HNRNPA0: variants seen among roughly 807,000 people sequenced by gnomAD.
The protein encoded by HNRNPA0 is hnRNA binding protein.
For missense variants in HNRNPA0, 252 were observed against 433.7 expected (o/e 0.58, Z 3.72); for synonymous variants, 243 against 195.5 (o/e 1.24, Z -2.03).
Position 137,753,159 on chromosome 5 carries a change from C to G in HNRNPA0, c.908G>C (p.Ser303Thr). Residue 303 changes from serine (S) to threonine (T), a missense_variant, in exon 1 of 1, where the codon AGC becomes ACC. By Grantham distance (58) the Ser-to-Thr change is moderately conservative. Coordinates refer to ENST00000314940, the MANE Select transcript of HNRNPA0 (RefSeq NM_006805.4). This position sits in a 1 kb window ranked among gnomAD's most constrained non-coding sequence, Gnocchi z 6.1. ...ATTTTAAATTTTCTTTTAGAAGGAG[C>G]TGCCTCCATAGCCACCCCCACCGCC... ...GYGGGGGYGGSSF is the reference protein window; with the variant it reads ...GYGGGGGYGGTSF The G allele has an allele frequency of 3.7e-6, 6 of 1,612,536 alleles. No individual in the cohort carries two copies. The highest frequency in any genetic ancestry group is 5.1e-6 in the Non-Finnish European group (6 of 1,179,184).
rs1274336116 is a variant in HNRNPA0, at chr5:137,749,420, GA to G, written c.*3728del. On this transcript the variant is annotated 3_prime_UTR_variant, in exon 1 of 1. Transcript: ENST00000314940. ...TTGCCCTTCTAGTCTTCCTACTTTG[GA>G]ATTCCTTTTTAAATAGCAGCTTTCA... The G allele has an allele frequency of 6.6e-6, 1 of 152,034 alleles. No individual in the cohort carries two copies. The highest frequency in any genetic ancestry group is 2.4e-5 in the African/African-American group (1 of 41,382). 9.4% of individuals were successfully genotyped at this position (152,034 alleles called of 1,614,324 possible).
At position 137,751,652 on chromosome 5, in the gene HNRNPA0, A is replaced by G. The variant is rs992313990; in HGVS notation, c.*1497T>C. Reference sequence around the variant, plus strand: ...CTATCCAGAAAGGCAATTTTCACCTATTATCACTTTTGTTCTTCTCTTATA... The same window carrying G: ...CTATCCAGAAAGGCAATTTTCACCTGTTATCACTTTTGTTCTTCTCTTATA... On this transcript the variant is annotated 3_prime_UTR_variant, in exon 1 of 1. Coordinates refer to ENST00000314940, the MANE Select transcript of HNRNPA0 (RefSeq NM_006805.4). 1 of 152,348 alleles carries G rather than the reference A, an allele frequency of 6.6e-6. No individual in the cohort carries two copies. The highest frequency in any genetic ancestry group is 2.4e-5 in the African/African-American group (1 of 41,350). The allele number at this position is 152,348 out of a possible 1,614,324, so 9.4% of individuals were successfully genotyped here.
rs1454809424 is a variant in HNRNPA0 at position 137,751,786 on chromosome 5, A to C, written c.*1363T>G. On this transcript the variant is annotated 3_prime_UTR_variant, in exon 1 of 1. Coordinates refer to ENST00000314940, the MANE Select transcript of HNRNPA0 (RefSeq NM_006805.4). The stretch of plus-strand genomic sequence containing the variant: ...CAACTTGCACCTAAAATACCAGTAT[A>C]CGTAGCTGGTTCATTAGTTGTCATA... 1 of 152,660 alleles carries C rather than the reference A, an allele frequency of 6.6e-6. No homozygotes were observed. The highest frequency in any genetic ancestry group is 2.4e-5 in the African/African-American group (1 of 41,458). 9.5% of individuals were successfully genotyped at this position (152,660 alleles called of 1,614,324 possible).
At position 137,751,818 on chromosome 5, in the gene HNRNPA0, T is replaced by C. The variant is rs887638089; in HGVS notation, c.*1331A>G. On this transcript the variant is annotated 3_prime_UTR_variant, in exon 1 of 1. Transcript: ENST00000314940. ...TGGTTCATTAGTTGTCATAGCAATT[T>C]AGGGCTATTGCCCAAGCTATGCATA... The C allele has an allele frequency of 6.5e-6, 1 of 152,678 alleles. No individual in the cohort carries two copies. The highest frequency in any genetic ancestry group is 1.5e-5 in the Non-Finnish European group (1 of 68,040). The allele number at this position is 152,678 out of a possible 1,614,324, so 9.5% of individuals were successfully genotyped here. A position where few individuals can be genotyped will look rare whatever the true frequency, so the allele number is the denominator to read the frequency against.
At position 137,754,271 on chromosome 5, in the gene HNRNPA0, A is replaced by C. The variant is rs1753563332; in HGVS notation, c.-205T>G. 2.9e-6 allele frequency: 2 copies of C among 692,902 alleles called. No homozygotes were observed. The highest frequency in any genetic ancestry group is 3.1e-5 in the Admixed American group (1 of 32,286). The allele number at this position is 692,902 out of a possible 1,614,324, so 42.9% of individuals were successfully genotyped here. A position where few individuals can be genotyped will look rare whatever the true frequency, so the allele number is the denominator to read the frequency against. On this transcript the variant is annotated 5_prime_UTR_variant, in exon 1 of 1. Transcript: ENST00000314940. ...GAGGGAAGGGGAGCGGTGCCGGCTA[A>C]AGGGCGAGCCGAGGAGACTGGAAGA...
At position 137,752,161 on chromosome 5, in the gene HNRNPA0, A is replaced by T. The variant is rs1042115380; in HGVS notation, c.*988T>A. 3 of 152,258 alleles carry T rather than the reference A, an allele frequency of 2.0e-5. No homozygotes were observed. Among genetic ancestry groups the T allele is most frequent in the African/African-American group, 7.2e-5 (3 of 41,426 alleles). The allele number at this position is 152,258 out of a possible 1,614,324, so 9.4% of individuals were successfully genotyped here. A position where few individuals can be genotyped will look rare whatever the true frequency, so the allele number is the denominator to read the frequency against. On this transcript the variant is annotated 3_prime_UTR_variant, in exon 1 of 1. Coordinates refer to ENST00000314940, the MANE Select transcript of HNRNPA0 (RefSeq NM_006805.4). Reference sequence around the variant, plus strand: ...ACCTGCTCTGAAAGTACAAAAACGCATTTGAGGGTAAAATATAACCCTTAT... The same window carrying T: ...ACCTGCTCTGAAAGTACAAAAACGCTTTTGAGGGTAAAATATAACCCTTAT...
chr5:137,753,068 G>A lies in HNRNPA0; in HGVS notation c.*81C>T. 7.0e-7 allele frequency: 1 copy of A among 1,429,884 alleles called. No individual in the cohort carries two copies. The highest frequency in any genetic ancestry group is 9.5e-7 in the Non-Finnish European group (1 of 1,048,006). The allele number at this position is 1,429,884 out of a possible 1,614,324, so 88.6% of individuals were successfully genotyped here. On this transcript the variant is annotated 3_prime_UTR_variant, in exon 1 of 1. Coordinates refer to ENST00000314940, the MANE Select transcript of HNRNPA0 (RefSeq NM_006805.4). The surrounding 1 kb of genome is among the most constrained non-coding windows in gnomAD (Gnocchi z 6.1). ...CAGGGAAGGCGGTGTGTGTGAGGGG[G>A]TGGGGCTTAGGAGTTGACCCCACTT...
Position 137,749,844 on chromosome 5 carries a change from C to T in HNRNPA0, c.*3305G>A, listed in dbSNP as rs1222269524. ...AAAAGGTAAACTAAGTTTACAAATC[C>T]AATAACTGATACCATCACTTCTGGT... On this transcript the variant is annotated 3_prime_UTR_variant, in exon 1 of 1. Coordinates refer to ENST00000314940, the MANE Select transcript of HNRNPA0 (RefSeq NM_006805.4). 2 of 152,096 alleles carry T rather than the reference C, an allele frequency of 1.3e-5. No individual in the cohort carries two copies. The highest frequency in any genetic ancestry group is 2.9e-5 in the Non-Finnish European group (2 of 67,980). The allele number at this position is 152,096 out of a possible 1,614,324, so 9.4% of individuals were successfully genotyped here. A position where few individuals can be genotyped will look rare whatever the true frequency, so the allele number is the denominator to read the frequency against.
rs1753471775 is a variant in HNRNPA0, at chr5:137,750,071, C to T, written c.*3078G>A. The T allele has an allele frequency of 6.6e-6, 1 of 151,890 alleles. No homozygotes were observed. The highest frequency in any genetic ancestry group is 1.5e-5 in the Non-Finnish European group (1 of 67,964). The allele number at this position is 151,890 out of a possible 1,614,324, so 9.4% of individuals were successfully genotyped here. A position where few individuals can be genotyped will look rare whatever the true frequency, so the allele number is the denominator to read the frequency against. Reference sequence around the variant, plus strand: ...CCACTTGCAGGCTTTTTTTTGGATACAGTAAATCAGTACCAATGAGAGCTT... The same window carrying T: ...CCACTTGCAGGCTTTTTTTTGGATATAGTAAATCAGTACCAATGAGAGCTT... On this transcript the variant is annotated 3_prime_UTR_variant, in exon 1 of 1. Coordinates refer to ENST00000314940, the MANE Select transcript of HNRNPA0 (RefSeq NM_006805.4).
Position 137,753,590 on chromosome 5 carries a change from C to G in HNRNPA0, c.477G>C (p.Lys159Asn). Residue 159 changes from lysine to asparagine, a missense_variant, in exon 1 of 1, where the codon AAG becomes AAC. By Grantham distance (94) the Lys-to-Asn change is moderately conservative (BLOSUM62 0). Coordinates refer to ENST00000314940, the MANE Select transcript of HNRNPA0 (RefSeq NM_006805.4). This position sits in a 1 kb window ranked among gnomAD's most constrained non-coding sequence, Gnocchi z 6.1. ...HDAADKAAVV[K>N]FHPIQGHRVE... ...CGCGATGGCCCTGAATCGGATGGAA[C>G]TTGACCACCGCGGCCTTGTCTGCCG... 1 of 1,614,158 alleles carries G rather than the reference C, an allele frequency of 6.2e-7. No homozygotes were observed. Among genetic ancestry groups the G allele is most frequent in the Non-Finnish European group, 8.5e-7 (1 of 1,180,034 alleles).
At position 137,750,776 on chromosome 5, in the gene HNRNPA0, T is replaced by C. The variant is rs912722281; in HGVS notation, c.*2373A>G. Reference sequence around the variant, plus strand: ...TTAATATACCATGAACAGAACAGGTTGCCTTCCTAATACACAGAAAATCCT... The same window carrying C: ...TTAATATACCATGAACAGAACAGGTCGCCTTCCTAATACACAGAAAATCCT... On this transcript the variant is annotated 3_prime_UTR_variant, in exon 1 of 1. Coordinates refer to ENST00000314940, the MANE Select transcript of HNRNPA0 (RefSeq NM_006805.4). 1 of 152,204 alleles carries C rather than the reference T, an allele frequency of 6.6e-6. No individual in the cohort carries two copies. Among genetic ancestry groups the C allele is most frequent in the African/African-American group, 2.4e-5 (1 of 41,458 alleles). The allele number at this position is 152,204 out of a possible 1,614,324, so 9.4% of individuals were successfully genotyped here.
At position 137,753,794 on chromosome 5, in the gene HNRNPA0, G is replaced by A. The variant is rs771476633; in HGVS notation, c.273C>T (p.Pro91=). Residue 91 remains proline (P), a synonymous_variant, in exon 1 of 1, where the codon CCC becomes CCT. Coordinates refer to ENST00000314940, the MANE Select transcript of HNRNPA0 (RefSeq NM_006805.4). The surrounding 1 kb of genome is among the most constrained non-coding windows in gnomAD (Gnocchi z 6.1). The part of the protein sequence containing the change: ...RAVSREDSAR[P]GAHAKVKKLF... ...GCTTCTTAACCTTGGCGTGGGCACC[G>A]GGCCGCGCCGAATCCTCCCGGGACA... The A allele has an allele frequency of 1.2e-5, 19 of 1,610,478 alleles. No individual in the cohort carries two copies. The South Asian group carries it at 1.8e-4, about 15-fold the overall frequency.
rs1390741749 is a variant in HNRNPA0 at position 137,751,421 on chromosome 5, C to A, written c.*1728G>T. On this transcript the variant is annotated 3_prime_UTR_variant, in exon 1 of 1. Coordinates refer to ENST00000314940, the MANE Select transcript of HNRNPA0 (RefSeq NM_006805.4). ...ATATTATTTTATTTTAAAGCCCAAT[C>A]TTTCAGAAAGCTTCTTAGTATAGCT... 1 of 149,776 alleles carries A rather than the reference C, an allele frequency of 6.7e-6. No homozygotes were observed. Among genetic ancestry groups the A allele is most frequent in the African/African-American group, 2.5e-5 (1 of 40,494 alleles). The allele number at this position is 149,776 out of a possible 1,614,324, so 9.3% of individuals were successfully genotyped here.
rs557925987 is a variant in HNRNPA0, at chr5:137,754,325, C to A, written c.-259G>T. On this transcript the variant is annotated 5_prime_UTR_variant, in exon 1 of 1. Coordinates refer to ENST00000314940, the MANE Select transcript of HNRNPA0 (RefSeq NM_006805.4). ...CCAAGGCCACCGCTACCGCCGCCGCCGCCACCTCCGCTCCCCTATCTGGGC... is the reference window on the plus strand; with the variant it reads ...CCAAGGCCACCGCTACCGCCGCCGCAGCCACCTCCGCTCCCCTATCTGGGC... 42 of 501,494 alleles carry A rather than the reference C, an allele frequency of 8.4e-5. No homozygotes were observed. The Admixed American group carries it at 1.2e-3, about 15-fold the overall frequency. The allele number at this position is 501,494 out of a possible 1,614,324, so 31.1% of individuals were successfully genotyped here.
In HNRNPA0 at chr5:137,754,087, C is replaced by T. The variant is rs759271902; in HGVS notation, c.-21G>A. The T allele has an allele frequency of 1.3e-6, 2 of 1,590,246 alleles. No homozygotes were observed. The highest frequency in any genetic ancestry group is 1.7e-6 in the Non-Finnish European group (2 of 1,166,866). On this transcript the variant is annotated 5_prime_UTR_variant, in exon 1 of 1. Transcript: ENST00000314940. Reference sequence around the variant, plus strand: ...TCCATCTCCAAGGCCCGGGCCTTGCCCCCGCCCTGCGAGCTCCGAGGTTTC... The same window carrying T: ...TCCATCTCCAAGGCCCGGGCCTTGCTCCCGCCCTGCGAGCTCCGAGGTTTC...
At position 137,753,329 on chromosome 5, in the gene HNRNPA0, G is replaced by T. The variant is rs1306981652; in HGVS notation, c.738C>A (p.Ser246Arg). The T allele has an allele frequency of 6.4e-7, 1 of 1,560,034 alleles. No homozygotes were observed. The highest frequency in any genetic ancestry group is 1.9e-5 in the Admixed American group (1 of 51,812). ...GGGGGSSYGG[S>R]DYGNGFGGFG... ...AGCCGCCGAAGCCGTTACCGTAGTC[G>T]CTCCCACCGTAGGACGAACCGCCGC... Residue 246 changes from serine to arginine, a missense_variant, in exon 1 of 1, where the codon AGC becomes AGA. Transcript: ENST00000314940. This position sits in a 1 kb window ranked among gnomAD's most constrained non-coding sequence, Gnocchi z 6.1.
Position 137,753,138 on chromosome 5 carries a change from T to A in HNRNPA0, c.*11A>T, listed in dbSNP as rs774044404. The A allele has an allele frequency of 1.2e-6, 2 of 1,609,480 alleles. No homozygotes were observed. The highest frequency in any genetic ancestry group is 1.3e-5 in the African/African-American group (1 of 74,856). On this transcript the variant is annotated 3_prime_UTR_variant, in exon 1 of 1. Coordinates refer to ENST00000314940, the MANE Select transcript of HNRNPA0 (RefSeq NM_006805.4). The surrounding 1 kb of genome is among the most constrained non-coding windows in gnomAD (Gnocchi z 6.1). ...CCCCTATAGCCACTCCCAGGCATTT[T>A]AAATTTTCTTTTAGAAGGAGCTGCC... is the stretch of plus-strand genomic sequence containing the variant.
chr5:137,746,506 T>TAATCCTCTACCTAGAATGCTCTTCCC lies in HNRNPA0; in HGVS notation c.*6617_*6642dup. 6.6e-6 allele frequency: 1 copy of TAATCCTCTACCTAGAATGCTCTTCCC among 152,248 alleles called. No homozygotes were observed. Among genetic ancestry groups the TAATCCTCTACCTAGAATGCTCTTCCC allele is most frequent in the Non-Finnish European group, 1.5e-5 (1 of 68,056 alleles). The allele number at this position is 152,248 out of a possible 1,614,324, so 9.4% of individuals were successfully genotyped here. On this transcript the variant is annotated 3_prime_UTR_variant, in exon 1 of 1. Transcript: ENST00000314940. ...CCTGCTTCAGGGCTTTTGCTCTTCC[T>TAATCCTCTACCTAGAATGCTCTTCCC]AATCCTCTACCTAGAATGCTCTTCC...
chr5:137,753,124 A>T lies in HNRNPA0; in HGVS notation c.*25T>A, dbSNP rs745960520. On this transcript the variant is annotated 3_prime_UTR_variant, in exon 1 of 1. Transcript: ENST00000314940. This position sits in a 1 kb window ranked among gnomAD's most constrained non-coding sequence, Gnocchi z 6.1. The stretch of plus-strand genomic sequence containing the variant: ...GTTGGAAAGAGCTACCCCTATAGCC[A>T]CTCCCAGGCATTTTAAATTTTCTTT... 3 of 1,598,594 alleles carry T rather than the reference A, an allele frequency of 1.9e-6. No homozygotes were observed. The highest frequency in any genetic ancestry group is 2.6e-6 in the Non-Finnish European group (3 of 1,171,850).
Sources: gnomAD v4.1 joint callset for allele counts on GRCh38, gnomAD v4.1.1 for gene constraint, Gnocchi (gnomAD v3.1) non-coding constraint, MANE v1.5 for transcripts, NCBI Gene and HGNC (gene_info 2026-07-23, HGNC 2026-07-21) for gene names.